The following GPR176 variants were observed in gnomAD, a reference collection of about 807,000 sequenced individuals.
GPR176 encodes the protein G-protein coupled receptor 176.
A neutral mutation model predicts 35.4 loss-of-function variants in GPR176; 26 were observed. The observed-to-expected ratio is 0.74, with a 90% confidence interval of 0.54 to 1.02. The LOEUF (loss-of-function observed/expected upper bound fraction) is 1.02, where lower values mean the gene tolerates loss of function less well. Among genes scored for constraint, GPR176 ranks in the 50% least tolerant of loss-of-function variants. The pLI is 0.00. For missense variants in GPR176, 597 were observed against 665.3 expected, an observed-to-expected ratio of 0.90 and a Z score of 1.13; for synonymous variants, 278 against 271.3, an observed-to-expected ratio of 1.02 and a Z score of -0.24.
chr15:39,916,668 A>C (rs1474779103), intron 1 of GPR176, among the ~76,000 whole-genome samples: 1 of 152,266 alleles, frequency 6.6e-6, no homozygotes, highest in East Asian at 1.9e-4. Context: ...AAAAAAATAA[A>C]GAAAAACGAA....
chr15:39,818,513 T>C (rs1257932943), intron 1 of GPR176, among the ~76,000 whole-genome samples: 1 of 152,260 alleles, frequency 6.6e-6, no homozygotes, highest in African/African-American at 2.4e-5. Context: ...TTCACTTCTG[T>C]AATATATAAG....
At chr15:39,844,756 C>G (rs1429338637) in intron 1 of GPR176, among the ~76,000 whole-genome samples, 5 of 152,024 alleles carry the variant, frequency 3.3e-5, no homozygotes, top group Admixed American at 3.3e-4. Context: ...ACCTGGGCAG[C>G]CCAACACTGA....
intron 1 of GPR176, among the ~76,000 whole-genome samples, chr15:39,871,236 T>C (rs186965095): frequency 2.6e-5 from 4 of 152,306 alleles, no homozygotes; most frequent in Non-Finnish European, 4.4e-5. Context: ...AGGAATGGGT[T>C]CATAACTTGC....
At chr15:39,827,088 C>T (rs1486812298) in intron 1 of GPR176, among the ~76,000 whole-genome samples, 1 of 152,012 alleles carries the variant, frequency 6.6e-6, no homozygotes, top group African/African-American at 2.4e-5. Context: ...AAAACAGATA[C>T]TTCAAGGGAG....
At chr15:39,919,759 C>T in intron 1 of GPR176, 96 bp downstream of exon 1, 6 of 1,031,374 alleles carry the variant, frequency 5.8e-6, no homozygotes, top group Non-Finnish European at 5.2e-6. Context: ...TTGCCAGGCA[C>T]CCGAAACCCA....
At chr15:39,878,806 C>A (rs982866122) in intron 1 of GPR176, among the ~76,000 whole-genome samples, 1 of 152,140 alleles carries the variant, frequency 6.6e-6, no homozygotes, top group African/African-American at 2.4e-5. Context: ...GATAATAAAG[C>A]TCACTATTAT....
intron 1 of GPR176, chr15:39,829,078 T>C (rs1900885126): frequency 9.7e-7 from 1 of 1,030,228 alleles, no homozygotes; most frequent in East Asian, 2.6e-5. Context: ...AAAGGTTAAT[T>C]ACCCAAAGTT....
At chr15:39,842,321 C>T (rs2030061236) in intron 1 of GPR176, among the ~76,000 whole-genome samples, 1 of 152,080 alleles carries the variant, frequency 6.6e-6, no homozygotes, top group Admixed American at 6.6e-5. Context: ...CACACTCTTT[C>T]AGACAACCAG....
rs143251702 is a variant in GPR176 at position 39,898,341 on chromosome 15, G to A, written c.172+21514C>T. Among the ~76,000 whole-genome samples the A allele has an allele frequency of 2.4e-3, 359 of 152,050 alleles. 3 individuals carry two copies. Among genetic ancestry groups the A allele is most frequent in the African/African-American group, 8.0e-3 (332 of 41,440 alleles). Reference sequence around the variant, plus strand: ...ACCACTACCATGTCAAGATAATACCGCCTTAAAATAATTCTGCAGTTACAG... The same window carrying A: ...ACCACTACCATGTCAAGATAATACCACCTTAAAATAATTCTGCAGTTACAG... On this transcript the variant is annotated intron_variant, in intron 1 of 2. Coordinates refer to ENST00000561100, the MANE Select transcript of GPR176 (RefSeq NM_007223.3).
At chr15:39,914,002 C>A (rs76925454) in intron 1 of GPR176, among the ~76,000 whole-genome samples, 1 of 152,054 alleles carries the variant, frequency 6.6e-6, no homozygotes. Context: ...GCTGAGATAG[C>A]GCCACCGCAC....
chr15:39,891,667 G>A (rs954142911), intron 1 of GPR176, among the ~76,000 whole-genome samples: 2 of 151,980 alleles, frequency 1.3e-5, no homozygotes, highest in Non-Finnish European at 2.9e-5. Context: ...CAAAACAGAC[G>A]GGCACCAGAA....
intron 1 of GPR176, among the ~76,000 whole-genome samples, chr15:39,876,566 T>A (rs964914525): frequency 6.6e-6 from 1 of 152,184 alleles, no homozygotes; most frequent in African/African-American, 2.4e-5. Context: ...ATTTAATTTC[T>A]ATTGCTATTA....
chr15:39,855,126 C>T (rs1434093894), intron 1 of GPR176, among the ~76,000 whole-genome samples: 2 of 151,882 alleles, frequency 1.3e-5, no homozygotes, highest in Non-Finnish European at 2.9e-5. Context: ...ATTATGCCAA[C>T]TCATCAAAGA....
intron 1 of GPR176, chr15:39,829,218 G>A (rs1900898943): frequency 1.4e-5 from 21 of 1,511,028 alleles, no homozygotes; most frequent in Non-Finnish European, 1.8e-5. Flanking sequence ...CCCCAACACT[G>A]AGAACAAAGA....
intron 1 of GPR176, among the ~76,000 whole-genome samples, chr15:39,840,772 A>T (rs1461685034): frequency 6.6e-6 from 1 of 152,150 alleles, no homozygotes; most frequent in Non-Finnish European, 1.5e-5. Flanking sequence ...CAGAAATAAA[A>T]CCACAGAAAA....
At chr15:39,854,429 G>A (rs1595481779) in intron 1 of GPR176, among the ~76,000 whole-genome samples, 1 of 151,986 alleles carries the variant, frequency 6.6e-6, no homozygotes, top group East Asian at 1.9e-4. Context: ...TACTTTTATG[G>A]TGTAGAAAAC....
intron 1 of GPR176, among the ~76,000 whole-genome samples, chr15:39,837,993 TAAAA>T (rs5812142): frequency 8.0e-6 from 1 of 124,500 alleles, no homozygotes; most frequent in Non-Finnish European, 1.7e-5. Flanking sequence ...CTCCATTAAT[TAAAA>T]AAAAAAAAAA....
rs1370442081 is a variant in GPR176, at chr15:39,802,050, G to A, written c.630C>T (p.Asn210=). 1.2e-5 allele frequency: 19 copies of A among 1,614,070 alleles called. No individual in the cohort carries two copies. The highest frequency in any genetic ancestry group is 1.7e-5 in the Admixed American group (1 of 60,026). The change falls in exon 3 of 3, where the codon AAC becomes AAT. Residue 210 remains asparagine, a synonymous_variant. Transcript: ENST00000561100. ...LGHLVYVLVY[N]ITTVIVPVVV... is the part of the protein sequence containing the mutation. Reference sequence around the variant, plus strand: ...CCACAGGCACAATGACCGTGGTGATGTTATACACCAGAACGTACACCAGGT... The same window carrying A: ...CCACAGGCACAATGACCGTGGTGATATTATACACCAGAACGTACACCAGGT...
rs1220905626 is a variant in GPR176, at chr15:39,865,867, C to T, written c.172+53988G>A. Among the ~76,000 whole-genome samples, 4 of 152,032 alleles carry T rather than the reference C, an allele frequency of 2.6e-5. No individual in the cohort carries two copies. In the East Asian group the frequency reaches 7.7e-4, roughly 29 times the overall value. ...CTTCTATGAACCCATCTAGAAAATA[C>T]ACTTTGACAAAAATAAAACAATATA... On this transcript the variant is annotated intron_variant, in intron 1 of 2. Coordinates refer to ENST00000561100, the MANE Select transcript of GPR176 (RefSeq NM_007223.3).
Sources: gnomAD v4.1 joint callset for allele counts (sites outside exome capture counted in the v4.1 genomes callset) on GRCh38, gnomAD v4.1.1 for gene constraint, MANE v1.5 for transcripts, NCBI Gene and HGNC (gene_info 2026-07-23, HGNC 2026-07-21) for gene names.